UBE2Q2: variants seen among roughly 807,000 people sequenced by gnomAD.
The protein encoded by UBE2Q2 is ubiquitin conjugating enzyme E2 Q2.
UBE2Q2 carries 54 observed loss-of-function variants against 59.9 expected under a neutral mutation model. That is an observed-to-expected ratio of 0.90 (90% CI 0.72 to 1.13). The LOEUF is 1.13. Ranked by LOEUF, UBE2Q2 falls within the 50% of genes most tolerant of loss-of-function variation. The pLI is 0.00. For missense variants in UBE2Q2, 433 were observed against 441.9 expected (o/e 0.98, Z 0.18); for synonymous variants, 165 against 155.2 (o/e 1.06, Z -0.47).
chr15:75,881,531 G>A (rs919569778), intron 8 of UBE2Q2, among the ~76,000 whole-genome samples: 1 of 152,188 alleles, frequency 6.6e-6, no homozygotes, highest in Non-Finnish European at 1.5e-5. Flanking sequence ...TAGGAAGAAT[G>A]TGATTGCCTT....
chr15:75,885,168 G>A (rs1898688326), intron 9 of UBE2Q2, among the ~76,000 whole-genome samples: 1 of 152,060 alleles, frequency 6.6e-6, no homozygotes, highest in Non-Finnish European at 1.5e-5. Context: ...TCACCAGGCT[G>A]AAATGCAGTG....
chr15:75,845,359 A>G (rs1896289962), intron 1 of UBE2Q2, among the ~76,000 whole-genome samples: 1 of 152,198 alleles, frequency 6.6e-6, no homozygotes, highest in Admixed American at 6.5e-5. Flanking sequence ...AAGACTTGAG[A>G]AGCCCACGAT....
chr15:75,851,915 C>T (rs1284200691), intron 1 of UBE2Q2, among the ~76,000 whole-genome samples: 1 of 152,200 alleles, frequency 6.6e-6, no homozygotes, highest in Non-Finnish European at 1.5e-5. Context: ...TTCTGTCACC[C>T]AGGCTGGAGT....
At chr15:75,875,762 T>TA (rs1898039748) in intron 5 of UBE2Q2, among the ~76,000 whole-genome samples, 1 of 152,240 alleles carries the variant, frequency 6.6e-6, no homozygotes, top group Non-Finnish European at 1.5e-5. Flanking sequence ...GGCTTTTTTT[T>TA]ACTTCTTAAA....
intron 5 of UBE2Q2, 136 bp from the exon 6 acceptor site, chr15:75,876,047 AGGGC>A: frequency 1.4e-6 from 1 of 711,598 alleles, no homozygotes; most frequent in Admixed American, 2.8e-5. Flanking sequence ...CCTGGGTAAC[AGGGC>A]TAGACTCCAT....
intron 3 of UBE2Q2, among the ~76,000 whole-genome samples, chr15:75,865,799 TG>T (rs1193236014): frequency 1.4e-4 from 20 of 141,430 alleles, no homozygotes; most frequent in Non-Finnish European, 2.3e-4. Flanking sequence ...GAATAATATC[TG>T]GTTGTTTTTT....
intron 2 of UBE2Q2, among the ~76,000 whole-genome samples, chr15:75,856,604 G>T (rs963017869): frequency 2.6e-5 from 4 of 151,796 alleles, no homozygotes; most frequent in Middle Eastern, 6.8e-3. Flanking sequence ...TCTGATTTTT[G>T]TCAAAATAAG....
At chr15:75,885,873 G>A (rs1262529106) in intron 9 of UBE2Q2, among the ~76,000 whole-genome samples, 1 of 152,118 alleles carries the variant, frequency 6.6e-6, no homozygotes, top group African/African-American at 2.4e-5. Flanking sequence ...GCTATAAAAA[G>A]TACTTCTTTT....
intron 9 of UBE2Q2, among the ~76,000 whole-genome samples, chr15:75,887,133 A>G (rs1270994192): frequency 2.6e-5 from 4 of 152,220 alleles, no homozygotes; most frequent in Non-Finnish European, 5.9e-5. Flanking sequence ...GACCTACTCA[A>G]ATAAATCTTC....
intron 2 of UBE2Q2, among the ~76,000 whole-genome samples, chr15:75,856,581 T>C (rs1019502053): frequency 6.6e-6 from 1 of 152,166 alleles, no homozygotes; most frequent in Non-Finnish European, 1.5e-5. Flanking sequence ...TTTGAGGAAG[T>C]TTGAGTCTCA....
At chr15:75,883,891 C>T (rs1156676309) in intron 9 of UBE2Q2, among the ~76,000 whole-genome samples, 1 of 151,954 alleles carries the variant, frequency 6.6e-6, no homozygotes, top group Non-Finnish European at 1.5e-5. Context: ...TACTTTTTAC[C>T]ATAAAAAAGC....
chr15:75,899,571 T>A lies in UBE2Q2; in HGVS notation c.*113T>A. 1 of 796,204 alleles carries A rather than the reference T, an allele frequency of 1.3e-6. No homozygotes were observed. Among genetic ancestry groups the A allele is most frequent in the Non-Finnish European group, 2.0e-6 (1 of 511,214 alleles). The allele number at this position is 796,204 out of a possible 1,614,324, so 49.3% of individuals were successfully genotyped here. On this transcript the variant is annotated 3_prime_UTR_variant, in exon 13 of 13. Transcript: ENST00000267938. ...CAGCAGTACCGAAGATGTTAGTTAA[T>A]AGATATTTTAGTGGATAATCTGTCA... is the stretch of plus-strand genomic sequence containing the variant.
chr15:75,861,649 CTTTAAT>C (rs1160976182), intron 3 of UBE2Q2, among the ~76,000 whole-genome samples: 2 of 151,998 alleles, frequency 1.3e-5, no homozygotes, highest in Non-Finnish European at 2.9e-5. Context: ...AATTATTTTT[CTTTAAT>C]TTTAAAATCT....
chr15:75,898,182 A>G (rs1276126213), intron 12 of UBE2Q2, among the ~76,000 whole-genome samples: 2 of 152,148 alleles, frequency 1.3e-5, no homozygotes, highest in Non-Finnish European at 2.9e-5. Context: ...GTTTTTGCGG[A>G]ACCTGGGACA....
At chr15:75,879,210 C>G in intron 8 of UBE2Q2, 22 bp downstream of exon 8, 2 of 1,437,478 alleles carry the variant, frequency 1.4e-6, no homozygotes, top group Non-Finnish European at 9.6e-7. Flanking sequence ...GTTACAGGAC[C>G]CCATATACTT....
intron 3 of UBE2Q2, among the ~76,000 whole-genome samples, chr15:75,867,306 G>C (rs1897549903): frequency 6.6e-6 from 1 of 152,204 alleles, no homozygotes; most frequent in East Asian, 1.9e-4. Context: ...CTTACCAACT[G>C]TAGATGGGAC....
At chr15:75,874,356 T>C (rs868658794) in intron 5 of UBE2Q2, among the ~76,000 whole-genome samples, 1 of 151,376 alleles carries the variant, frequency 6.6e-6, no homozygotes, top group Non-Finnish European at 1.5e-5. Flanking sequence ...TGATCTCAGC[T>C]CACTGCAGCT....
At chr15:75,869,544 A>G (rs538999030) in intron 4 of UBE2Q2, among the ~76,000 whole-genome samples, 3 of 152,238 alleles carry the variant, frequency 2.0e-5, no homozygotes, top group African/African-American at 4.8e-5. Flanking sequence ...TCCAAGATCA[A>G]GATACCAACA....
chr15:75,875,897 C>CAA (rs773183098), intron 5 of UBE2Q2, among the ~76,000 whole-genome samples: 2 of 143,828 alleles, frequency 1.4e-5, no homozygotes, highest in Admixed American at 7.0e-5. Context: ...CCGTCTCTAC[C>CAA]AAAAAAAAAA....
Sources: allele counts gnomAD v4.1 joint callset (sites outside exome capture counted in the v4.1 genomes callset), GRCh38; gene constraint gnomAD v4.1.1; transcripts MANE v1.5; gene names NCBI Gene and HGNC (gene_info 2026-07-23, HGNC 2026-07-21).